The following FBLN2 variants were observed in gnomAD, a reference collection of about 807,000 sequenced individuals.
FBLN2 encodes the protein fibulin 2.
Under a neutral mutation model 123.7 loss-of-function variants are expected in FBLN2, and 81 were observed. The observed-to-expected ratio is 0.65, with a 90% CI of 0.55 to 0.79. The LOEUF is 0.79. FBLN2 is among the 30% of genes least tolerant of loss of function. The pLI is 0.00. For synonymous variants in FBLN2, 699 were observed against 701.4 expected, an observed-to-expected ratio of 1.00 and a Z score of 0.05; for missense variants, 1,603 against 1,681.3, an observed-to-expected ratio of 0.95 and a Z score of 0.81.
At chr3:13,606,037 C>G (rs950354297) in intron 2 of FBLN2, among the ~76,000 whole-genome samples, 30 of 152,220 alleles carry the variant, frequency 2.0e-4, no homozygotes, top group African/African-American at 6.7e-4. Flanking sequence ...TGGGCTCAAG[C>G]CATCCTCCCA....
intron 8 of FBLN2, among the ~76,000 whole-genome samples, chr3:13,620,124 G>A (rs915148557): frequency 2.6e-5 from 4 of 152,146 alleles, no homozygotes; most frequent in African/African-American, 9.7e-5. Context: ...CTCCTGCCGA[G>A]TGTGCACCTG....
chr3:13,626,697 C>G, intron 10 of FBLN2, 118 bp downstream of exon 10: 1 of 1,003,104 alleles, frequency 1.0e-6, no homozygotes, highest in African/African-American at 1.6e-5. Flanking sequence ...CCACGCCCCT[C>G]TCCATCCCCT....
At position 13,629,061 on chromosome 3, in the gene FBLN2, G is replaced by A. The variant is rs372587278; in HGVS notation, c.2713+13G>A. On this transcript the variant is annotated intron_variant, in intron 12 of 17. Transcript: ENST00000404922. Reference sequence around the variant, plus strand: ...ACCAAGTGTGTGGGTAAGGCCAGCCGCCTCCGCCCTGCCAGCCAGCCCGGC... The same window carrying A: ...ACCAAGTGTGTGGGTAAGGCCAGCCACCTCCGCCCTGCCAGCCAGCCCGGC... 34 of 1,612,646 alleles carry A rather than the reference G, an allele frequency of 2.1e-5. No individual in the cohort carries two copies. Among genetic ancestry groups the A allele is most frequent in the Admixed American group, 3.3e-5 (2 of 59,926 alleles).
intron 1 of FBLN2, among the ~76,000 whole-genome samples, chr3:13,561,476 A>G (rs1006087756): frequency 6.9e-6 from 1 of 144,878 alleles, no homozygotes; most frequent in East Asian, 2.2e-4. Flanking sequence ...CCCAGCGACC[A>G]CTCTCTTCCT....
chr3:13,623,780 T>C (rs997908286), intron 9 of FBLN2, among the ~76,000 whole-genome samples: 5 of 152,200 alleles, frequency 3.3e-5, no homozygotes, highest in African/African-American at 1.2e-4. Context: ...TCCTCATCTG[T>C]GAATGAGATA....
intron 1 of FBLN2, among the ~76,000 whole-genome samples, chr3:13,564,327 CAGTCCCAGTTTGCA>C (rs1559399347): frequency 6.6e-6 from 1 of 152,146 alleles, no homozygotes; most frequent in Non-Finnish European, 1.5e-5. Flanking sequence ...CCATCCCTAG[CAGTCCCAGTTTGCA>C]AGTCCCAGTG....
chr3:13,603,248 T>A (rs1052458328), intron 2 of FBLN2, among the ~76,000 whole-genome samples: 2 of 120,792 alleles, frequency 1.7e-5, no homozygotes, highest in African/African-American at 6.5e-5. Context: ...TTTTTTTTTT[T>A]TAATTATACT....
chr3:13,614,409 A>G (rs1003309475), intron 5 of FBLN2, among the ~76,000 whole-genome samples: 1 of 151,972 alleles, frequency 6.6e-6, no homozygotes, highest in Non-Finnish European at 1.5e-5. Flanking sequence ...TTGTCTATAC[A>G]TCTTCCTCCC....
chr3:13,550,648 G>A (rs1403125718), intron 1 of FBLN2, among the ~76,000 whole-genome samples: 1 of 152,162 alleles, frequency 6.6e-6, no homozygotes, highest in African/African-American at 2.4e-5. Flanking sequence ...GCTGATAGGG[G>A]CTCTGGGCCT....
At chr3:13,573,201 TC>T (rs1240293155) in intron 2 of FBLN2, among the ~76,000 whole-genome samples, 2 of 148,330 alleles carry the variant, frequency 1.3e-5, no homozygotes, top group Non-Finnish European at 3.0e-5. Context: ...GGCCGGCCCC[TC>T]CCCAGCCTCT....
intron 2 of FBLN2, among the ~76,000 whole-genome samples, chr3:13,593,710 T>C: frequency 1.4e-5 from 1 of 71,866 alleles, no homozygotes; most frequent in African/African-American, 7.0e-5. Context: ...TGAGACTCTA[T>C]CTCAAAAAAA....
At chr3:13,594,499 G>A (rs1024245369) in intron 2 of FBLN2, among the ~76,000 whole-genome samples, 3 of 152,174 alleles carry the variant, frequency 2.0e-5, no homozygotes, top group African/African-American at 4.8e-5. Context: ...CTGTCCTGGG[G>A]ATTGGGGATA....
At chr3:13,617,941 G>C (rs1004433396) in intron 5 of FBLN2, 135 bp from the exon 6 acceptor site, 60 of 742,644 alleles carry the variant, frequency 8.1e-5, no homozygotes, top group Non-Finnish European at 1.3e-4. Flanking sequence ...CATCCATCCT[G>C]CTTCATCCAT....
In FBLN2 at chr3:13,549,158, C is replaced by G. The variant is rs1703254791; in HGVS notation, c.-92C>G. 3 of 982,728 alleles carry G rather than the reference C, an allele frequency of 3.1e-6. No individual in the cohort carries two copies. Among genetic ancestry groups the G allele is most frequent in the African/African-American group, 1.8e-5 (1 of 56,892 alleles). 60.9% of individuals were successfully genotyped at this position (982,728 alleles called of 1,614,324 possible). A position where few individuals can be genotyped will look rare whatever the true frequency, so the allele number is the denominator to read the frequency against. Reference sequence around the variant, plus strand: ...CCAGGGGCCGCCCGGGCTCTCGACGCGCCGACGGCCGGGCGGACGGACGGA... The same window carrying G: ...CCAGGGGCCGCCCGGGCTCTCGACGGGCCGACGGCCGGGCGGACGGACGGA... On this transcript the variant is annotated 5_prime_UTR_variant, in exon 1 of 18. Coordinates refer to ENST00000404922, the MANE Select transcript of FBLN2 (RefSeq NM_001004019.2).
intron 2 of FBLN2, among the ~76,000 whole-genome samples, chr3:13,583,587 C>T (rs1704405474): frequency 6.6e-6 from 1 of 152,242 alleles, no homozygotes; most frequent in African/African-American, 2.4e-5. Context: ...GCTGGCAGGC[C>T]TCAGGCTCTG....
chr3:13,626,377 TCTG>T lies in FBLN2; in HGVS notation c.2297-64_2297-62del, dbSNP rs530166099. ...CTCTCTCCCTCCTGGTGGCCCAAGG[TCTG>T]CTGGCTGCACTCAGCCACTGTCCTG... On this transcript the variant is annotated intron_variant, in intron 9 of 17. Transcript: ENST00000404922. The T allele has an allele frequency of 2.5e-4, 356 of 1,435,224 alleles. 3 individuals carry two copies. In the South Asian group the frequency reaches 5.0e-3, roughly 20 times the overall value. The allele number at this position is 1,435,224 out of a possible 1,614,324, so 88.9% of individuals were successfully genotyped here. A position where few individuals can be genotyped will look rare whatever the true frequency, so the allele number is the denominator to read the frequency against.
intron 1 of FBLN2, among the ~76,000 whole-genome samples, chr3:13,553,433 C>T (rs574525159): frequency 3.2e-4 from 49 of 152,282 alleles, no homozygotes; most frequent in African/African-American, 1.1e-3. Flanking sequence ...AGAGCTGGGA[C>T]GGGAGCCAGC....
chr3:13,557,115 C>T (rs1381686872), intron 1 of FBLN2, among the ~76,000 whole-genome samples: 1 of 152,254 alleles, frequency 6.6e-6, no homozygotes, highest in East Asian at 1.9e-4. Flanking sequence ...GGAGCTGTGA[C>T]CAGCCCAGCC....
At chr3:13,558,435 G>A (rs1053198215) in intron 1 of FBLN2, among the ~76,000 whole-genome samples, 1 of 152,044 alleles carries the variant, frequency 6.6e-6, no homozygotes, top group Non-Finnish European at 1.5e-5. Context: ...GGCGGACGCA[G>A]GAGTGAAAGT....
Sources: gnomAD v4.1 joint callset for allele counts (sites outside exome capture counted in the v4.1 genomes callset) on GRCh38, gnomAD v4.1.1 for gene constraint, MANE v1.5 for transcripts, NCBI Gene and HGNC (gene_info 2026-07-23, HGNC 2026-07-21) for gene names.